ZNF516: variants seen among roughly 807,000 people sequenced by gnomAD.
ZNF516 encodes the protein zinc finger protein 516.
ZNF516 carries 19 observed loss-of-function variants against 79.7 expected under a neutral mutation model. The observed-to-expected ratio is 0.24, with a 90% CI of 0.17 to 0.35. The LOEUF (loss-of-function observed/expected upper bound fraction) is 0.35, where lower values mean the gene tolerates loss of function less well. Ranked by LOEUF, ZNF516 falls within the 10% of genes least tolerant of loss-of-function variation. The pLI is 1.00. For missense variants in ZNF516, 1,678 were observed against 1,679.5 expected (o/e 1.00, Z 0.02); for synonymous variants, 877 against 739.5 (o/e 1.19, Z -3.02).
rs765103551 is a variant in ZNF516, at chr18:76,379,663, G to T, written c.2451C>A (p.Gly817=). The T allele has an allele frequency of 2.5e-6, 4 of 1,613,510 alleles. No homozygotes were observed. Among genetic ancestry groups the T allele is most frequent in the African/African-American group, 1.3e-5 (1 of 74,956 alleles). ...CTTTGCCACCGAGGGCAGGCGGGGG[G>T]CCCGTGCGTCCGCTCCGGGAAAGGA... is the stretch of plus-strand genomic sequence containing the variant. ...LVFLSRSGRT[G]PPPALGGKEC... The change falls in exon 4 of 7, where the codon GGC becomes GGA. Residue 817 remains glycine (G), a synonymous_variant. Transcript: ENST00000443185.
intron 3 of ZNF516, among the ~76,000 whole-genome samples, chr18:76,390,182 G>A (rs946913390): frequency 6.6e-6 from 1 of 152,244 alleles, no homozygotes; most frequent in Non-Finnish European, 1.5e-5. Context: ...TTGAGTATGC[G>A]CTAAGGTTTT....
intron 6 of ZNF516, among the ~76,000 whole-genome samples, 174 bp downstream of exon 6, chr18:76,370,354 G>A (rs1014159874): frequency 1.3e-5 from 2 of 152,176 alleles, no homozygotes; most frequent in Non-Finnish European, 2.9e-5. Flanking sequence ...CTCTGTGCGG[G>A]TACTGCCCAC....
At chr18:76,411,981 A>G (rs752822261) in intron 3 of ZNF516, among the ~76,000 whole-genome samples, 1 of 152,230 alleles carries the variant, frequency 6.6e-6, no homozygotes, top group Non-Finnish European at 1.5e-5. Context: ...TGAACATTCA[A>G]AGGAGTCAAC....
intron 3 of ZNF516, among the ~76,000 whole-genome samples, chr18:76,415,569 C>T (rs985415214): frequency 1.3e-5 from 2 of 151,904 alleles, no homozygotes; most frequent in Non-Finnish European, 2.9e-5. Context: ...TTGGATTCTG[C>T]GGAGGTGGGT....
chr18:76,373,250 C>T (rs780439207), intron 4 of ZNF516, among the ~76,000 whole-genome samples: 2 of 111,558 alleles, frequency 1.8e-5, no homozygotes, highest in African/African-American at 7.1e-5. Flanking sequence ...AGGAGGGGAG[C>T]GGAGGGGAGG....
intron 3 of ZNF516, among the ~76,000 whole-genome samples, chr18:76,395,971 A>T (rs1394177423): frequency 6.6e-6 from 1 of 152,218 alleles, no homozygotes; most frequent in African/African-American, 2.4e-5. Flanking sequence ...TCTTCCCAGC[A>T]TCCACGCTCC....
intron 1 of ZNF516, among the ~76,000 whole-genome samples, chr18:76,464,337 A>G (rs1340697385): frequency 6.6e-6 from 1 of 152,050 alleles, no homozygotes; most frequent in African/African-American, 2.4e-5. Flanking sequence ...ATACCACTGC[A>G]CTCCAGGCTG....
rs552680084 is a variant in ZNF516 at position 76,379,679 on chromosome 18, C to T, written c.2435G>A (p.Arg812Gln). The change falls in exon 4 of 7, where the codon CGG becomes CAG. Residue 812 changes from arginine to glutamine, a missense_variant. By Grantham distance (43) the Arg-to-Gln change is conservative. Around this residue, in one of 5 missense-constraint regions of ZNF516, gnomAD observed 1,294 missense variants for 1,248.3 expected, o/e 1.04. Transcript: ENST00000443185. ...SIRSNLVFLS[R>Q]SGRTGPPPAL... ...AGGCGGGGGGCCCGTGCGTCCGCTC[C>T]GGGAAAGGAAAACCAAATTGCTTCT... The T allele has an allele frequency of 6.2e-6, 10 of 1,613,612 alleles. No homozygotes were observed. The highest frequency in any genetic ancestry group is 5.5e-5 in the South Asian group (5 of 91,082).
chr18:76,414,724 A>G (rs1443836086), intron 3 of ZNF516, among the ~76,000 whole-genome samples: 5 of 152,270 alleles, frequency 3.3e-5, no homozygotes, highest in Non-Finnish European at 7.3e-5. Flanking sequence ...TCTTAAAATG[A>G]CATAAGTCAT....
rs1479334557 is a variant in ZNF516, at chr18:76,360,973, A to G, written c.*1525T>C. 1.3e-5 allele frequency: 2 copies of G among 151,938 alleles called. No homozygotes were observed. Among genetic ancestry groups the G allele is most frequent in the Non-Finnish European group, 2.9e-5 (2 of 68,004 alleles). The allele number at this position is 151,938 out of a possible 1,614,324, so 9.4% of individuals were successfully genotyped here. A position where few individuals can be genotyped will look rare whatever the true frequency, so the allele number is the denominator to read the frequency against. ...GCACTAGTCCATTACCGTATTAAGT[A>G]AACTGTTGCTCTCGCCAGTATTAAA... On this transcript the variant is annotated 3_prime_UTR_variant, in exon 7 of 7. Transcript: ENST00000443185.
At chr18:76,433,042 C>T (rs73975430) in intron 3 of ZNF516, among the ~76,000 whole-genome samples, 1,581 of 152,248 alleles carry the variant, frequency 0.01, 24 homozygotes, top group African/African-American at 0.036. Flanking sequence ...TGAGTGGCAA[C>T]GACACTGAAA....
intron 3 of ZNF516, among the ~76,000 whole-genome samples, chr18:76,406,478 C>T (rs943084050): frequency 3.3e-5 from 5 of 152,174 alleles, no homozygotes; most frequent in Non-Finnish European, 5.9e-5. Flanking sequence ...GCAGGAGAAT[C>T]GCTTGAACCC....
chr18:76,432,569 C>T (rs572208093), intron 3 of ZNF516, among the ~76,000 whole-genome samples: 1 of 152,344 alleles, frequency 6.6e-6, no homozygotes, highest in African/African-American at 2.4e-5. Context: ...TGCTGGAGCT[C>T]AGTGGAGAGC....
At chr18:76,428,997 C>T (rs564360411) in intron 3 of ZNF516, among the ~76,000 whole-genome samples, 3 of 152,354 alleles carry the variant, frequency 2.0e-5, no homozygotes, top group South Asian at 2.1e-4. Context: ...GGAGGGCGAG[C>T]GGGCAGGGCA....
At chr18:76,423,807 C>T (rs368578454) in intron 3 of ZNF516, among the ~76,000 whole-genome samples, 4 of 148,294 alleles carry the variant, frequency 2.7e-5, no homozygotes, top group Admixed American at 6.7e-5. Flanking sequence ...ATGAAACACA[C>T]GCAGGTGAAA....
chr18:76,432,334 T>C (rs1025243373), intron 3 of ZNF516, among the ~76,000 whole-genome samples: 2 of 151,718 alleles, frequency 1.3e-5, no homozygotes, highest in Non-Finnish European at 2.9e-5. Context: ...CATTACCTGC[T>C]CTCCCCACAG....
intron 3 of ZNF516, among the ~76,000 whole-genome samples, chr18:76,439,738 G>A (rs1281323691): frequency 6.6e-6 from 1 of 151,624 alleles, no homozygotes; most frequent in African/African-American, 2.4e-5. Context: ...CAAATATTAA[G>A]AATATTTCTC....
At chr18:76,484,639 C>G (rs1914724791) in intron 1 of ZNF516, among the ~76,000 whole-genome samples, 1 of 152,166 alleles carries the variant, frequency 6.6e-6, no homozygotes. Flanking sequence ...TAAGGATTGC[C>G]TAAAACACAC....
Position 76,360,449 on chromosome 18 carries a change from C to G in ZNF516, c.*2049G>C, listed in dbSNP as rs573800367. The stretch of plus-strand genomic sequence containing the variant: ...ACTGAAATGATTAAACATAAATCAA[C>G]AGAAGAGTCTTCTGATTTCTTAGGT... On this transcript the variant is annotated 3_prime_UTR_variant, in exon 7 of 7. Coordinates refer to ENST00000443185, the MANE Select transcript of ZNF516 (RefSeq NM_014643.4). 6.6e-6 allele frequency: 1 copy of G among 151,660 alleles called. No homozygotes were observed. The highest frequency in any genetic ancestry group is 2.1e-4 in the South Asian group (1 of 4,808). 9.4% of individuals were successfully genotyped at this position (151,660 alleles called of 1,614,324 possible). A position where few individuals can be genotyped will look rare whatever the true frequency, so the allele number is the denominator to read the frequency against.
Sources: allele counts gnomAD v4.1 joint callset (sites outside exome capture counted in the v4.1 genomes callset), GRCh38; gene constraint gnomAD v4.1.1; regional missense constraint gnomAD v4.1.1; transcripts MANE v1.5; gene names NCBI Gene and HGNC (gene_info 2026-07-23, HGNC 2026-07-21).